Variants in LIMS1 observed in about 807,000 individuals in gnomAD.
LIMS1 encodes LIM zinc finger domain containing 1, also known as LIM and senescent cell antigen-like-containing domain protein 1.
A neutral mutation model predicts 44.1 loss-of-function variants in LIMS1; 18 were observed. That is an observed-to-expected ratio of 0.41 (90% CI 0.28 to 0.61). The LOEUF (loss-of-function observed/expected upper bound fraction) is 0.61, where lower values mean the gene tolerates loss of function less well. Ranked by LOEUF, LIMS1 falls within the 20% of genes least tolerant of loss-of-function variation. The pLI is 0.32. For synonymous variants in LIMS1, 93 were observed against 149.1 expected (o/e 0.62, Z 2.74); for missense variants, 201 against 422.0 (o/e 0.48, Z 4.59).
chr2:108,631,730 C>T (rs1340044108), intron 1 of LIMS1, among the ~76,000 whole-genome samples: 2 of 152,152 alleles, frequency 1.3e-5, no homozygotes, highest in Non-Finnish European at 2.9e-5. Context: ...CATCCATGTT[C>T]TGGAGGGTTG....
At chr2:108,622,637 T>C (rs1373035249) in intron 1 of LIMS1, among the ~76,000 whole-genome samples, 1 of 152,180 alleles carries the variant, frequency 6.6e-6, no homozygotes, top group African/African-American at 2.4e-5. Context: ...TCTCAGAGTT[T>C]AAATTGTTAA....
At chr2:108,550,709 G>A (rs1294122526) in intron 1 of LIMS1, among the ~76,000 whole-genome samples, 1 of 148,428 alleles carries the variant, frequency 6.7e-6, no homozygotes, top group Non-Finnish European at 1.5e-5. Flanking sequence ...CCAGTTACTC[G>A]GGAGGTTGAG....
intron 2 of LIMS1, chr2:108,662,567 C>T (rs558863644): frequency 1.7e-6 from 2 of 1,199,152 alleles, no homozygotes; most frequent in African/African-American, 1.6e-5. Flanking sequence ...TCATTAAAAC[C>T]AGCCCAGGGA....
chr2:108,620,737 A>G (rs1688190034), intron 1 of LIMS1, among the ~76,000 whole-genome samples: 1 of 152,124 alleles, frequency 6.6e-6, no homozygotes, highest in Admixed American at 6.5e-5. Flanking sequence ...TTCTTCAGTA[A>G]TATTTAATGA....
intron 1 of LIMS1, among the ~76,000 whole-genome samples, chr2:108,540,449 C>T (rs1170803758): frequency 6.6e-6 from 1 of 152,090 alleles, no homozygotes; most frequent in African/African-American, 2.4e-5. Context: ...CTGCCCGCCT[C>T]GGCCTCCCAA....
At chr2:108,575,444 C>G (rs1462326993) in intron 1 of LIMS1, among the ~76,000 whole-genome samples, 4 of 152,188 alleles carry the variant, frequency 2.6e-5, no homozygotes, top group African/African-American at 4.8e-5. Context: ...CTAGCAGGTG[C>G]TGTTACTTCT....
intron 1 of LIMS1, among the ~76,000 whole-genome samples, chr2:108,639,413 C>G (rs1157713208): frequency 6.6e-6 from 1 of 152,186 alleles, no homozygotes; most frequent in African/African-American, 2.4e-5. Flanking sequence ...TGCAACAACC[C>G]TGCATTTATT....
intron 8 of LIMS1, among the ~76,000 whole-genome samples, 165 bp downstream of exon 8, chr2:108,678,192 T>A (rs552041185): frequency 6.6e-6 from 1 of 152,380 alleles, no homozygotes; most frequent in Admixed American, 6.5e-5. Context: ...AGTAAGATGA[T>A]AATATCAAAG....
chr2:108,544,376 G>A lies in LIMS1; in HGVS notation c.32+9782G>A, dbSNP rs1684416495. ...CTCAGCCTCATCCCATACTTCTTGA[G>A]GGATGTATGTCATGAAATCTATGCT... On this transcript the variant is annotated intron_variant, in intron 1 of 9. Transcript: ENST00000544547. Among the ~76,000 whole-genome samples, 3 of 152,198 alleles carry A rather than the reference G, an allele frequency of 2.0e-5. No homozygotes were observed. In the South Asian group the frequency reaches 6.2e-4, roughly 31 times the overall value.
intron 1 of LIMS1, chr2:108,607,336 T>G (rs1307754268): frequency 7.5e-7 from 1 of 1,334,958 alleles, no homozygotes; most frequent in Non-Finnish European, 1.1e-6. Context: ...ACCAGTTGTC[T>G]GGTATCTTCA....
rs139464642 is a variant in LIMS1, at chr2:108,609,835, T to G, written c.33-49770T>G. ...TGTTTTCATCCCCACGGTTGAAGTT[T>G]TTTTTTAACTTAAAAATATTTTATT... is the stretch of plus-strand genomic sequence containing the variant. On this transcript the variant is annotated intron_variant, in intron 1 of 9. Transcript: ENST00000544547. Among the ~76,000 whole-genome samples the G allele has an allele frequency of 9.6e-4, 145 of 151,166 alleles. No individual in the cohort carries two copies. In the Middle Eastern group the frequency reaches 0.01, roughly 11 times the overall value.
At chr2:108,680,610 C>T in intron 8 of LIMS1, 85 bp from the exon 9 acceptor site, 3 of 1,459,282 alleles carry the variant, frequency 2.1e-6, no homozygotes, top group South Asian at 1.1e-5. Context: ...AGTCGTAGTT[C>T]TGTTTTGGAG....
At chr2:108,642,992 T>C (rs569049503) in intron 1 of LIMS1, among the ~76,000 whole-genome samples, 5 of 152,300 alleles carry the variant, frequency 3.3e-5, no homozygotes, top group African/African-American at 1.2e-4. Flanking sequence ...TTTGCCGCAG[T>C]AGGTCAATCA....
At chr2:108,623,956 T>A (rs1219814523) in intron 1 of LIMS1, among the ~76,000 whole-genome samples, 1 of 152,256 alleles carries the variant, frequency 6.6e-6, no homozygotes, top group South Asian at 2.1e-4. Context: ...GGCGTCAAAC[T>A]TGAAATTGTT....
chr2:108,538,356 G>A (rs867771221), intron 1 of LIMS1, among the ~76,000 whole-genome samples: 15 of 152,116 alleles, frequency 9.9e-5, no homozygotes, highest in South Asian at 6.2e-4. Context: ...CTTTTTTCAC[G>A]TTGGAGCACG....
At chr2:108,546,619 A>G (rs1276544139) in intron 1 of LIMS1, among the ~76,000 whole-genome samples, 1 of 151,350 alleles carries the variant, frequency 6.6e-6, no homozygotes, top group Non-Finnish European at 1.5e-5. Context: ...GGTCATTTAT[A>G]GCTAAACCAG....
chr2:108,538,936 AT>A lies in LIMS1; in HGVS notation c.32+4343del, dbSNP rs1340680325. On this transcript the variant is annotated intron_variant, in intron 1 of 9. Coordinates refer to ENST00000544547, the Ensembl canonical transcript of LIMS1. ...AGAGCGGTGTATCTGGGTTTACCTTATGTTTTTTAACCTTAGTTTTAATGGC... is the reference window on the plus strand; with the variant it reads ...AGAGCGGTGTATCTGGGTTTACCTTAGTTTTTTAACCTTAGTTTTAATGGC... Among the ~76,000 whole-genome samples, 9 of 152,132 alleles carry A rather than the reference AT, an allele frequency of 5.9e-5. No homozygotes were observed. The East Asian group carries it at 1.7e-3, about 29-fold the overall frequency.
chr2:108,622,451 T>C (rs934085658), intron 1 of LIMS1, among the ~76,000 whole-genome samples: 8 of 152,304 alleles, frequency 5.3e-5, no homozygotes, highest in African/African-American at 1.9e-4. Flanking sequence ...GTAACTGTAA[T>C]TTGCTAAAGA....
At chr2:108,556,773 CTGAGGGCAGTCA>C (rs2104602060) in intron 1 of LIMS1, among the ~76,000 whole-genome samples, 1 of 152,314 alleles carries the variant, frequency 6.6e-6, no homozygotes, top group East Asian at 1.9e-4. Context: ...AGAAGGAATG[CTGAGGGCAGTCA>C]TGCCCCAGGC....
Sources: gnomAD v4.1 joint callset for allele counts (sites outside exome capture counted in the v4.1 genomes callset) on GRCh38, gnomAD v4.1.1 for gene constraint, MANE v1.5 for transcripts, NCBI Gene and HGNC (gene_info 2026-07-23, HGNC 2026-07-21) for gene names.